LCORL: variants seen among roughly 807,000 people sequenced by gnomAD.
LCORL encodes ligand dependent nuclear receptor corepressor like.
In LCORL, 41 loss-of-function variants were observed where a neutral mutation model predicts 141.8. That is an observed-to-expected ratio of 0.29 (90% CI 0.23 to 0.38). The LOEUF is 0.38. LCORL is among the 10% of genes least tolerant of loss of function. The pLI, the probability that LCORL is intolerant of heterozygous loss-of-function variation, is 1.00. For missense variants in LCORL, 1,759 were observed against 2,035.0 expected (o/e 0.86, Z 2.61); for synonymous variants, 618 against 694.1 (o/e 0.89, Z 1.72).
chr4:17,854,724 T>A (rs1360918002), intron 7 of LCORL, among the ~76,000 whole-genome samples: 5 of 152,156 alleles, frequency 3.3e-5, no homozygotes, highest in Admixed American at 2.0e-4. Flanking sequence ...TTTCTCAAAA[T>A]TTTCCTTTGG....
At chr4:17,943,717 A>G (rs1322517389) in intron 4 of LCORL, among the ~76,000 whole-genome samples, 2 of 152,220 alleles carry the variant, frequency 1.3e-5, no homozygotes, top group Non-Finnish European at 1.5e-5. Context: ...TCAATAGCCC[A>G]TGTAGAATGA....
chr4:17,936,729 T>C (rs929210045), intron 4 of LCORL, among the ~76,000 whole-genome samples: 12 of 152,328 alleles, frequency 7.9e-5, no homozygotes, highest in African/African-American at 2.6e-4. Flanking sequence ...TTTTGATGCA[T>C]CACTTTCCTT....
intron 1 of LCORL, among the ~76,000 whole-genome samples, chr4:18,019,759 T>C (rs1192207167): frequency 1.3e-5 from 2 of 152,112 alleles, no homozygotes; most frequent in Non-Finnish European, 2.9e-5. Flanking sequence ...TTGACAAAAC[T>C]TAACAGTAAT....
chr4:17,877,918 A>C lies in LCORL; in HGVS notation c.1072T>G (p.Leu358Val), dbSNP rs1296592628. The C allele has an allele frequency of 1.1e-5, 14 of 1,230,596 alleles. No individual in the cohort carries two copies. The East Asian group carries it at 4.1e-4, about 36-fold the overall frequency. The allele number at this position is 1,230,596 out of a possible 1,614,324, so 76.2% of individuals were successfully genotyped here. ...TTAATACAGACTGGCAGAGGTTCTA[A>C]ACCAGGGCTTTGTTTTTCGTTTTGT... Residue 358 changes from leucine (L) to valine (V), a missense_variant, in exon 7 of 8, where the codon TTA becomes GTA. This residue lies in a region of LCORL where 1,311 missense variants were observed against 1,531.3 expected (regional missense o/e 0.86). Coordinates refer to ENST00000635767, the Ensembl canonical transcript of LCORL.
chr4:17,848,008 G>A (rs1012271745), intron 7 of LCORL, among the ~76,000 whole-genome samples: 3 of 152,120 alleles, frequency 2.0e-5, no homozygotes, highest in Non-Finnish European at 4.4e-5. Context: ...TTTGACTAAG[G>A]TGTTTTCACC....
chr4:17,846,276 G>C (rs918286865), intron 7 of LCORL, among the ~76,000 whole-genome samples: 1 of 152,144 alleles, frequency 6.6e-6, no homozygotes, highest in Non-Finnish European at 1.5e-5. Context: ...AACATTTGTT[G>C]AATGCCTATT....
chr4:17,874,899 T>C (rs1347273553), exon 7 of LCORL: 16 of 1,233,750 alleles, frequency 1.3e-5, no homozygotes, highest in Non-Finnish European at 1.6e-5. Context: ...TTTCTGCAAA[T>C]GCAGTTTATA....
intron 1 of LCORL, among the ~76,000 whole-genome samples, chr4:17,990,177 C>A (rs1416034640): frequency 2.0e-5 from 3 of 148,810 alleles, no homozygotes; most frequent in Non-Finnish European, 4.4e-5. Context: ...CGGCTCACTG[C>A]AAGCTCCGCC....
At chr4:17,936,391 A>G (rs1454127411) in intron 4 of LCORL, among the ~76,000 whole-genome samples, 1 of 151,156 alleles carries the variant, frequency 6.6e-6, no homozygotes, top group East Asian at 1.9e-4. Context: ...ACAAAAATCC[A>G]GAAAGATCAA....
intron 1 of LCORL, among the ~76,000 whole-genome samples, chr4:18,006,606 G>C (rs983718967): frequency 6.6e-6 from 1 of 152,172 alleles, no homozygotes; most frequent in Admixed American, 6.5e-5. Context: ...AGTCATAGTG[G>C]AAAGTGAAAG....
intron 7 of LCORL, among the ~76,000 whole-genome samples, chr4:17,868,984 A>G (rs1005517750): frequency 2.6e-4 from 40 of 151,648 alleles, no homozygotes; most frequent in African/African-American, 9.0e-4. Context: ...ATGGACTCTA[A>G]TATCTCAGGA....
intron 4 of LCORL, among the ~76,000 whole-genome samples, chr4:17,956,866 T>C (rs539045711): frequency 6.6e-6 from 1 of 152,120 alleles, no homozygotes; most frequent in Admixed American, 6.5e-5. Flanking sequence ...TTACACATTG[T>C]ATACATGTAT....
At chr4:17,966,055 A>G (rs1309625263) in intron 2 of LCORL, among the ~76,000 whole-genome samples, 1 of 152,124 alleles carries the variant, frequency 6.6e-6, no homozygotes, top group Non-Finnish European at 1.5e-5. Context: ...AATACAACTA[A>G]AAACTGATTT....
intron 1 of LCORL, among the ~76,000 whole-genome samples, chr4:17,976,000 C>T (rs945283364): frequency 6.6e-6 from 1 of 151,884 alleles, no homozygotes; most frequent in African/African-American, 2.4e-5. Flanking sequence ...TTTTATGTCC[C>T]CTTTGTGAAT....
rs149073515 is a variant in LCORL, at chr4:17,987,352, T to C, written c.155-14467A>G. ...GTCTGGCTTCTTTCACTGAGCATAA[T>C]GTGTCTGAGATTCATCATGTTGTAG... On this transcript the variant is annotated intron_variant, in intron 1 of 7. Coordinates refer to ENST00000635767, the Ensembl canonical transcript of LCORL. Among the ~76,000 whole-genome samples the C allele has an allele frequency of 7.2e-5, 11 of 152,324 alleles. No individual in the cohort carries two copies. In the East Asian group the frequency reaches 2.1e-3, roughly 29 times the overall value.
At chr4:17,867,372 G>A (rs1478486213) in intron 7 of LCORL, among the ~76,000 whole-genome samples, 1 of 152,106 alleles carries the variant, frequency 6.6e-6, no homozygotes, top group Admixed American at 6.5e-5. Context: ...AGACTCTGTA[G>A]GCTTTATGGT....
chr4:17,969,809 A>C (rs1715590329), intron 2 of LCORL, among the ~76,000 whole-genome samples: 1 of 152,190 alleles, frequency 6.6e-6, no homozygotes, highest in South Asian at 2.1e-4. Context: ...GTGCAAAACT[A>C]TGTTAAAATA....
rs141743829 is a variant in LCORL, at chr4:17,924,216, G to A, written c.431-14871C>T. On this transcript the variant is annotated intron_variant, in intron 4 of 7. Coordinates refer to ENST00000635767, the Ensembl canonical transcript of LCORL. ...ATCTCATCTGAGTGCTCACCAATGG[G>A]TGACCTCAGCAGAGAAGGATTTTAG... Among the ~76,000 whole-genome samples the A allele has an allele frequency of 5.2e-4, 79 of 152,278 alleles. 1 individual carries two copies. Among genetic ancestry groups the A allele is most frequent in the African/African-American group, 1.8e-3 (75 of 41,578 alleles).
intron 4 of LCORL, among the ~76,000 whole-genome samples, chr4:17,925,763 C>T (rs59851818): frequency 0.023 from 3,470 of 150,828 alleles, 140 homozygotes; most frequent in African/African-American, 0.08. Context: ...CCCAGATACT[C>T]GGGAGGCTGA....
Sources: gnomAD v4.1 joint callset for allele counts (sites outside exome capture counted in the v4.1 genomes callset) on GRCh38, gnomAD v4.1.1 for gene constraint, gnomAD v4.1.1 regional missense constraint, MANE v1.5 for transcripts, NCBI Gene and HGNC (gene_info 2026-07-23, HGNC 2026-07-21) for gene names.